Variants in PCDHGA1 observed in about 807,000 individuals in gnomAD.
PCDHGA1 encodes protocadherin gamma-A1.
Under a neutral mutation model 58.0 loss-of-function variants are expected in PCDHGA1, and 32 were observed. The observed-to-expected ratio is 0.55, with a 90% CI of 0.42 to 0.74. The LOEUF (loss-of-function observed/expected upper bound fraction) is 0.74. Ranked by LOEUF, PCDHGA1 falls within the 30% of genes least tolerant of loss-of-function variation. PCDHGA1 has a pLI of 0.00. For missense variants in PCDHGA1, 1,205 were observed against 1,182.3 expected, an observed-to-expected ratio of 1.02 and a Z score of -0.28; for synonymous variants, 498 against 501.1, an observed-to-expected ratio of 0.99 and a Z score of 0.08.
At chr5:141,400,883 A>G (rs1017003447) in intron 1 of PCDHGA1, among the ~76,000 whole-genome samples, 1 of 152,232 alleles carries the variant, frequency 6.6e-6, no homozygotes, top group Non-Finnish European at 1.5e-5. Flanking sequence ...AATTTAATGT[A>G]TGTAATCATT....
At chr5:141,396,636 A>G (rs1206522598) in intron 1 of PCDHGA1, 1 of 152,050 alleles carries the variant, frequency 6.6e-6, no homozygotes, top group African/African-American at 2.4e-5. Context: ...AAAAAAAACT[A>G]ATATTAATAG....
chr5:141,451,299 A>T (rs1016384424), intron 1 of PCDHGA1, among the ~76,000 whole-genome samples: 17 of 152,228 alleles, frequency 1.1e-4, no homozygotes, highest in African/African-American at 3.4e-4. Flanking sequence ...AAAGTCTTAC[A>T]AGGCAGCAAT....
intron 1 of PCDHGA1, chr5:141,360,166 G>C (rs909709535): frequency 3.1e-6 from 5 of 1,607,806 alleles, no homozygotes; most frequent in Non-Finnish European, 4.2e-6. Flanking sequence ...GTGCGGGCTG[G>C]TGCGGTGGCT....
At chr5:141,447,023 G>GTT (rs5871773) in intron 1 of PCDHGA1, among the ~76,000 whole-genome samples, 2,010 of 151,524 alleles carry the variant, frequency 0.013, 40 homozygotes, top group African/African-American at 0.047. Context: ...GTTTTGTTTT[G>GTT]TTTTTTTTCT....
chr5:141,338,855 C>T, intron 1 of PCDHGA1: 1 of 1,425,134 alleles, frequency 7.0e-7, no homozygotes, highest in East Asian at 2.5e-5. Context: ...CCCACCAGTT[C>T]TCTCCATAGG....
intron 1 of PCDHGA1, chr5:141,399,951 C>A (rs749264259): frequency 6.2e-7 from 1 of 1,612,120 alleles, no homozygotes; most frequent in Non-Finnish European, 8.5e-7. Flanking sequence ...TGCAGGCTAG[C>A]GAGCCCGGGC....
At chr5:141,404,302 T>G (rs377754198) in intron 1 of PCDHGA1, 1 of 1,613,858 alleles carries the variant, frequency 6.2e-7, no homozygotes, top group African/African-American at 1.3e-5. Flanking sequence ...ATAATCCACC[T>G]GCTTTCTCTC....
intron 1 of PCDHGA1, among the ~76,000 whole-genome samples, chr5:141,436,613 A>C (rs1334315821): frequency 1.3e-5 from 2 of 152,206 alleles, no homozygotes; most frequent in Non-Finnish European, 2.9e-5. Flanking sequence ...AGGGCTAACA[A>C]AAATCTGATT....
rs761905572 is a variant in PCDHGA1 at position 141,486,493 on chromosome 5, T to A, written c.2422-8314T>A. The A allele has an allele frequency of 2.5e-6, 4 of 1,614,136 alleles. No homozygotes were observed. The highest frequency in any genetic ancestry group is 1.7e-4 in the Middle Eastern group (1 of 6,060). On this transcript the variant is annotated intron_variant, in intron 1 of 3. Transcript: ENST00000517417. This position sits in a 1 kb window ranked among gnomAD's most constrained non-coding sequence, Gnocchi z 5.0. ...ACCCTCCTCTCAGTACCCACAGAAC[T>A]ATTTTCCTCAATATTTCAGATGTGA... is the stretch of plus-strand genomic sequence containing the variant.
chr5:141,417,507 A>G (rs573832786), intron 1 of PCDHGA1: 1 of 234,942 alleles, frequency 4.3e-6, no homozygotes, highest in Non-Finnish European at 8.1e-6. Context: ...AAAGATTAAA[A>G]TATTTTGGCT....
chr5:141,483,501 G>T (rs1022338958), intron 1 of PCDHGA1, among the ~76,000 whole-genome samples: 1 of 150,394 alleles, frequency 6.6e-6, no homozygotes, highest in Non-Finnish European at 1.5e-5. Flanking sequence ...ATGAGTCAAG[G>T]CTGATCCCCC....
chr5:141,438,764 C>T (rs963627140), intron 1 of PCDHGA1, among the ~76,000 whole-genome samples: 38 of 148,736 alleles, frequency 2.6e-4, no homozygotes, highest in African/African-American at 9.4e-4. Context: ...TGGGTTCAAG[C>T]GATTCTCCTG....
intron 1 of PCDHGA1, among the ~76,000 whole-genome samples, chr5:141,483,218 A>G (rs2099578440): frequency 6.6e-6 from 1 of 152,188 alleles, no homozygotes; most frequent in Admixed American, 6.5e-5. Flanking sequence ...GATGACAGTC[A>G]CTGCAGAAAT....
chr5:141,404,685 C>T (rs554522683), intron 1 of PCDHGA1: 1 of 1,614,010 alleles, frequency 6.2e-7, no homozygotes, highest in South Asian at 1.1e-5. Flanking sequence ...GTGGAGCTGG[C>T]ACCCCGCTCT....
chr5:141,423,656 A>G (rs988976310), intron 1 of PCDHGA1: 2 of 1,571,854 alleles, frequency 1.3e-6, no homozygotes, highest in African/African-American at 1.4e-5. Context: ...CCGACAAGTA[A>G]TCAGGTGAGA....
intron 1 of PCDHGA1, chr5:141,419,499 G>A: frequency 6.2e-7 from 1 of 1,612,368 alleles, no homozygotes; most frequent in Non-Finnish European, 8.5e-7. Context: ...GCCAATGTGA[G>A]CCTGCGCGTG....
rs1253223100 is a variant in PCDHGA1 at position 141,493,049 on chromosome 5, T to C, written c.2422-1758T>C. Among the ~76,000 whole-genome samples the C allele has an allele frequency of 6.6e-6, 1 of 152,188 alleles. No homozygotes were observed. Among genetic ancestry groups the C allele is most frequent in the Non-Finnish European group, 1.5e-5 (1 of 68,032 alleles). Reference sequence around the variant, plus strand: ...GCCCTTATGTGTGAGGAAACTACAATAGTAAAAAACACAAGTTTCTCCAAC... The same window carrying C: ...GCCCTTATGTGTGAGGAAACTACAACAGTAAAAAACACAAGTTTCTCCAAC... On this transcript the variant is annotated intron_variant, in intron 1 of 3. Transcript: ENST00000517417. This position sits in a 1 kb window ranked among gnomAD's most constrained non-coding sequence, Gnocchi z 4.3.
At chr5:141,414,763 C>G in intron 1 of PCDHGA1, 1 of 1,614,258 alleles carries the variant, frequency 6.2e-7, no homozygotes, top group South Asian at 1.1e-5. Flanking sequence ...TGAGCAGTTT[C>G]ATGAGCTACA....
chr5:141,432,172 CGTCTCTGTGACCGCCCACGACCCCGA>C lies in PCDHGA1; in HGVS notation c.2422-62634_2422-62609del. 6.2e-7 allele frequency: 1 copy of C among 1,614,152 alleles called. No individual in the cohort carries two copies. Among genetic ancestry groups the C allele is most frequent in the Non-Finnish European group, 8.5e-7 (1 of 1,180,038 alleles). ...AGAACAATCCCAGAGGAGTTTCCCT[CGTCTCTGTGACCGCCCACGACCCCGA>C]CTGTGAAGAGAACGCCCAGATCACT... On this transcript the variant is annotated intron_variant, in intron 1 of 3. Transcript: ENST00000517417. The surrounding 1 kb of genome is among the most constrained non-coding windows in gnomAD (Gnocchi z 6.0).
Sources: gnomAD v4.1 joint callset for allele counts (sites outside exome capture counted in the v4.1 genomes callset) on GRCh38, gnomAD v4.1.1 for gene constraint, Gnocchi (gnomAD v3.1) non-coding constraint, MANE v1.5 for transcripts, NCBI Gene and HGNC (gene_info 2026-07-23, HGNC 2026-07-21) for gene names.